FAM222A: variants seen among roughly 807,000 people sequenced by gnomAD.
FAM222A encodes the protein family with sequence similarity 222 member A.
A neutral mutation model predicts 25.8 loss-of-function variants in FAM222A; 7 were observed. The ratio of observed to expected loss-of-function variants is 0.27; its 90% CI spans 0.15 to 0.51. FAM222A has a LOEUF of 0.51. Among genes scored for constraint, FAM222A ranks in the 20% least tolerant of loss-of-function variants. FAM222A has a pLI of 0.97. For synonymous variants in FAM222A, 294 were observed against 298.8 expected, an observed-to-expected ratio of 0.98 and a Z score of 0.17; for missense variants, 573 against 640.5, an observed-to-expected ratio of 0.89 and a Z score of 1.14.
At chr12:109,727,934 G>A (rs1290111198) in intron 1 of FAM222A, among the ~76,000 whole-genome samples, 1 of 152,142 alleles carries the variant, frequency 6.6e-6, no homozygotes, top group Admixed American at 6.5e-5. Context: ...GTGGCTGCAG[G>A]GCATTCATAA....
intron 2 of FAM222A, among the ~76,000 whole-genome samples, chr12:109,761,005 C>G (rs967956463): frequency 6.6e-6 from 1 of 152,172 alleles, no homozygotes; most frequent in Non-Finnish European, 1.5e-5. Context: ...ACAACCATGC[C>G]CCCACTGAGG....
intron 1 of FAM222A, among the ~76,000 whole-genome samples, chr12:109,728,112 C>A (rs764657149): frequency 1.3e-5 from 2 of 152,196 alleles, no homozygotes; most frequent in African/African-American, 4.8e-5. Flanking sequence ...TAAGCACACT[C>A]GGGCCACACA....
At chr12:109,753,199 C>A (rs965614234) in intron 2 of FAM222A, among the ~76,000 whole-genome samples, 23 of 152,104 alleles carry the variant, frequency 1.5e-4, no homozygotes, top group African/African-American at 5.6e-4. Flanking sequence ...TCGTCCCTGT[C>A]CAAGGGTCCA....
intron 1 of FAM222A, among the ~76,000 whole-genome samples, chr12:109,726,392 G>A (rs1484143056): frequency 1.3e-5 from 2 of 152,216 alleles, no homozygotes; most frequent in Non-Finnish European, 2.9e-5. Flanking sequence ...GACCCTGTGA[G>A]GGTGAGCTGC....
intron 2 of FAM222A, among the ~76,000 whole-genome samples, chr12:109,750,114 T>C (rs117578855): frequency 8.1e-4 from 124 of 152,364 alleles, no homozygotes; most frequent in South Asian, 1.9e-3. Flanking sequence ...TAAAAAGTCT[T>C]TCACTGTGTG....
In FAM222A at chr12:109,718,534, GC is replaced by G. The variant is rs79096366; in HGVS notation, c.-47+3639del. Reference sequence around the variant, plus strand: ...AGAACGAGGAGGCGCGCACAAAAGGGCCGCTTTATTACCTCCCGCGGGCCGG... The same window carrying G: ...AGAACGAGGAGGCGCGCACAAAAGGGCGCTTTATTACCTCCCGCGGGCCGG... On this transcript the variant is annotated intron_variant, in intron 1 of 2. Transcript: ENST00000538780. Among the ~76,000 whole-genome samples the G allele has an allele frequency of 0.021, 3,170 of 152,322 alleles. 225 individuals are homozygous for G. The East Asian group carries it at 0.28, about 14-fold the overall frequency.
At chr12:109,728,972 G>GT (rs1555288487) in intron 1 of FAM222A, among the ~76,000 whole-genome samples, 2 of 57,058 alleles carry the variant, frequency 3.5e-5, no homozygotes, top group Non-Finnish European at 9.7e-5. Flanking sequence ...GGGGTTACAG[G>GT]TAAAAAAAAA....
chr12:109,759,960 G>A (rs1888845864), intron 2 of FAM222A, among the ~76,000 whole-genome samples: 1 of 152,234 alleles, frequency 6.6e-6, no homozygotes, highest in Non-Finnish European at 1.5e-5. Context: ...TACAGCATGG[G>A]GGTCCTACGA....
At chr12:109,715,565 A>G (rs1280331915) in intron 1 of FAM222A, among the ~76,000 whole-genome samples, 1 of 152,090 alleles carries the variant, frequency 6.6e-6, no homozygotes, top group African/African-American at 2.4e-5. Flanking sequence ...GCCTTTGGGT[A>G]GTGGAGGGGT....
intron 1 of FAM222A, chr12:109,722,486 A>G (rs1887762780): frequency 1.3e-5 from 2 of 152,306 alleles, no homozygotes; most frequent in South Asian, 4.1e-4. Context: ...TTGAATGAAT[A>G]AATGAATGAA....
At position 109,768,198 on chromosome 12, in the gene FAM222A, G is replaced by T; in HGVS notation, c.269G>T (p.Ser90Ile). The T allele has an allele frequency of 6.2e-7, 1 of 1,613,266 alleles. No individual in the cohort carries two copies. The highest frequency in any genetic ancestry group is 8.5e-7 in the Non-Finnish European group (1 of 1,179,892). The change falls in exon 3 of 3, where the codon AGC becomes ATC. Residue 90 changes from serine (S) to isoleucine (I), a missense_variant. Ser to Ile is a moderately radical substitution (Grantham distance 142). Around this residue, in one of 3 missense-constraint regions of FAM222A, gnomAD observed 112 missense variants for 154.6 expected, o/e 0.72. Transcript: ENST00000538780. ...NGYDTSGQRYSPYPQHTAGYQ... is the reference protein window; with the variant it reads ...NGYDTSGQRYIPYPQHTAGYQ... The stretch of plus-strand genomic sequence containing the variant: ...TATGACACCAGTGGCCAGCGCTACA[G>T]CCCCTACCCACAGCACACCGCTGGC...
intron 2 of FAM222A, chr12:109,744,837 A>G: frequency 1.1e-6 from 1 of 933,360 alleles, no homozygotes; most frequent in Non-Finnish European, 1.3e-6. Flanking sequence ...GAAAAAAACA[A>G]AAACAGAGGC....
chr12:109,765,405 C>T (rs755845438), intron 2 of FAM222A, among the ~76,000 whole-genome samples: 17 of 152,158 alleles, frequency 1.1e-4, no homozygotes, highest in African/African-American at 3.1e-4. Flanking sequence ...CCCTCCCGGC[C>T]GGCCACCTCT....
intron 1 of FAM222A, among the ~76,000 whole-genome samples, chr12:109,738,843 G>A (rs1888155427): frequency 6.6e-6 from 1 of 152,198 alleles, no homozygotes; most frequent in Non-Finnish European, 1.5e-5. Context: ...CTATCAGCTG[G>A]TCCACTCCCC....
intron 2 of FAM222A, among the ~76,000 whole-genome samples, chr12:109,756,385 A>G (rs1888726767): frequency 7.7e-6 from 1 of 130,460 alleles, no homozygotes; most frequent in African/African-American, 2.9e-5. Flanking sequence ...TCTTTCTAAT[A>G]TGAATGCTTT....
rs1028706428 is a variant in FAM222A, at chr12:109,753,544, C to A, written c.82+9316C>A. Among the ~76,000 whole-genome samples, 4 of 56,744 alleles carry A rather than the reference C, an allele frequency of 7.0e-5. No homozygotes were observed. In the South Asian group the frequency reaches 2.3e-3, roughly 32 times the overall value. 37.2% of individuals were successfully genotyped at this position (56,744 alleles called of 152,430 possible). On this transcript the variant is annotated intron_variant, in intron 2 of 2. Transcript: ENST00000538780. ...CCTAGCAGCTGACCCAGATACCTCA[C>A]CTGCCCCCCCATCCCGGGGGGGGGA...
chr12:109,729,367 C>G (rs571467021), intron 1 of FAM222A, among the ~76,000 whole-genome samples: 6 of 152,164 alleles, frequency 3.9e-5, no homozygotes, highest in Non-Finnish European at 8.8e-5. Flanking sequence ...GCTGGGGGGT[C>G]TCAGGACGGC....
intron 1 of FAM222A, among the ~76,000 whole-genome samples, chr12:109,732,131 G>T (rs546706267): frequency 6.6e-6 from 1 of 152,186 alleles, no homozygotes; most frequent in Admixed American, 6.5e-5. Context: ...CTGGGGATAG[G>T]GCAAGGGCCG....
At chr12:109,741,672 A>G (rs1888243801) in intron 1 of FAM222A, among the ~76,000 whole-genome samples, 1 of 152,232 alleles carries the variant, frequency 6.6e-6, no homozygotes, top group Non-Finnish European at 1.5e-5. Flanking sequence ...AGGGCCGGGC[A>G]TGGCCAGGAC....
Sources: allele counts gnomAD v4.1 joint callset (sites outside exome capture counted in the v4.1 genomes callset), GRCh38; gene constraint gnomAD v4.1.1; regional missense constraint gnomAD v4.1.1; transcripts MANE v1.5; gene names NCBI Gene and HGNC (gene_info 2026-07-23, HGNC 2026-07-21).